ETV1: variants seen among roughly 807,000 people sequenced by gnomAD.
ETV1 encodes the protein ETS variant transcription factor 1.
Under a neutral mutation model 62.3 loss-of-function variants are expected in ETV1, and 27 were observed. The ratio of observed to expected loss-of-function variants is 0.43; its 90% confidence interval spans 0.32 to 0.60. The LOEUF is 0.60. ETV1 is among the 20% of genes least tolerant of loss of function. The probability of loss-of-function intolerance (pLI) is 0.06; values close to 1 mark genes in which losing one functional copy is unlikely to be tolerated. For missense variants in ETV1, 605 were observed against 605.8 expected (o/e 1.00, Z 0.01); for synonymous variants, 222 against 199.6 (o/e 1.11, Z -0.94).
chr7:13,925,712 C>A (rs1251507364), intron 9 of ETV1, among the ~76,000 whole-genome samples: 3 of 150,766 alleles, frequency 2.0e-5, no homozygotes, highest in African/African-American at 4.9e-5. Context: ...ACTACAGGGA[C>A]CCGCCACTGC....
Position 13,911,303 on chromosome 7 carries a change from C to A in ETV1, c.807G>T (p.Val269=). The A allele has an allele frequency of 1.2e-6, 2 of 1,611,080 alleles. No individual in the cohort carries two copies. The highest frequency in any genetic ancestry group is 1.7e-6 in the Non-Finnish European group (2 of 1,177,806). Residue 269 remains valine, a synonymous_variant, in exon 10 of 14, where the codon GTG becomes GTT. Coordinates refer to ENST00000430479, the MANE Select transcript of ETV1 (RefSeq NM_004956.5). ...EPRDFAYDSE[V]PSCHSIYMRQ... is the part of the protein sequence containing the mutation. ...TCATATAAATGGAGTGGCAGCTAGGCACTTCTGAAAGAGGAAACAATATTG... is the reference window on the plus strand; with the variant it reads ...TCATATAAATGGAGTGGCAGCTAGGAACTTCTGAAAGAGGAAACAATATTG...
chr7:13,936,014 TTTG>T (rs1266912158), intron 7 of ETV1, 118 bp from the exon 8 acceptor site: 1 of 772,552 alleles, frequency 1.3e-6, no homozygotes, highest in Non-Finnish European at 2.0e-6. Flanking sequence ...AAATGAAAAC[TTTG>T]TTGTTGCTAT....
chr7:13,938,131 G>A (rs536650970), intron 7 of ETV1, among the ~76,000 whole-genome samples: 2 of 152,244 alleles, frequency 1.3e-5, no homozygotes, highest in African/African-American at 4.8e-5. Flanking sequence ...TTTCAGTAGA[G>A]ACGAGGTTTC....
Position 13,892,246 on chromosome 7 carries a change from T to C in ETV1, c.*3620A>G, listed in dbSNP as rs2128394925. The C allele has an allele frequency of 4.3e-6, 1 of 232,646 alleles. No individual in the cohort carries two copies. Among genetic ancestry groups the C allele is most frequent in the East Asian group, 6.1e-5 (1 of 16,388 alleles). The allele number at this position is 232,646 out of a possible 1,614,324, so 14.4% of individuals were successfully genotyped here. On this transcript the variant is annotated 3_prime_UTR_variant, in exon 14 of 14. Coordinates refer to ENST00000430479, the MANE Select transcript of ETV1 (RefSeq NM_004956.5). ...CTGATTTAACTGTTATTACTATTATTATCATACCTTCTGTTTTTCTGTTTC... is the reference window on the plus strand; with the variant it reads ...CTGATTTAACTGTTATTACTATTATCATCATACCTTCTGTTTTTCTGTTTC...
chr7:13,989,773 C>T, upstream of ETV1: 1 of 395,888 alleles, frequency 2.5e-6, no homozygotes, highest in Non-Finnish European at 4.4e-6. Flanking sequence ...TTCACAAGAT[C>T]AGATTTCGGG....
intron 6 of ETV1, among the ~76,000 whole-genome samples, chr7:13,967,025 AAATT>A (rs771508723): frequency 2.0e-5 from 3 of 152,206 alleles, no homozygotes; most frequent in Non-Finnish European, 4.4e-5. Context: ...CCCAATAAAT[AAATT>A]AATTAAACTA....
intron 5 of ETV1, among the ~76,000 whole-genome samples, chr7:13,984,832 A>G (rs185947561): frequency 2.6e-5 from 4 of 152,094 alleles, no homozygotes; most frequent in African/African-American, 9.6e-5. Flanking sequence ...AATCCCGGAG[A>G]AAGACTATTC....
intron 12 of ETV1, among the ~76,000 whole-genome samples, chr7:13,904,912 G>C (rs1355824649): frequency 6.7e-6 from 1 of 149,592 alleles, no homozygotes; most frequent in Non-Finnish European, 1.5e-5. Context: ...TGACAGCTAA[G>C]TTAATTTTAA....
At position 13,918,798 on chromosome 7, in the gene ETV1, G is replaced by A. The variant is rs372996833; in HGVS notation, c.803-7491C>T. ...TAGATGACGAGTTAGTGGGTGCAGC[G>A]CACCAGCATGGCACATGTATACATA... is the stretch of plus-strand genomic sequence containing the variant. On this transcript the variant is annotated intron_variant, in intron 9 of 13. Transcript: ENST00000430479. Among the ~76,000 whole-genome samples, 200 of 149,066 alleles carry A rather than the reference G, an allele frequency of 1.3e-3. 1 individual carries two copies. Among genetic ancestry groups the A allele is most frequent in the African/African-American group, 4.5e-3 (181 of 40,310 alleles).
chr7:13,909,809 A>G, intron 10 of ETV1, 109 bp from the exon 11 acceptor site: 1 of 902,770 alleles, frequency 1.1e-6, no homozygotes, highest in Non-Finnish European at 1.8e-6. Context: ...CTCTGCCACC[A>G]CCTTTCAGTT....
intron 9 of ETV1, among the ~76,000 whole-genome samples, chr7:13,929,223 CAGTGGACGAT>C (rs1785798271): frequency 6.6e-6 from 1 of 151,996 alleles, no homozygotes; most frequent in African/African-American, 2.4e-5. Flanking sequence ...TTAGAGACAC[CAGTGGACGAT>C]ACAAAAGGTT....
At position 13,947,733 on chromosome 7, in the gene ETV1, A is replaced by C. The variant is rs370795389; in HGVS notation, c.236-8487T>G. Among the ~76,000 whole-genome samples, 7 of 152,162 alleles carry C rather than the reference A, an allele frequency of 4.6e-5. No individual in the cohort carries two copies. In the East Asian group the frequency reaches 1.2e-3, roughly 25 times the overall value. ...CATTATATGAGATTTTTATTCATTC[A>C]TTTCTTCAGCAATTAATTCATTAAT... On this transcript the variant is annotated intron_variant, in intron 6 of 13. Transcript: ENST00000430479.
At chr7:13,902,751 G>C (rs567514393) in intron 12 of ETV1, among the ~76,000 whole-genome samples, 1 of 152,224 alleles carries the variant, frequency 6.6e-6, no homozygotes, top group Non-Finnish European at 1.5e-5. Context: ...GATGCACCTA[G>C]AAAATAAAAT....
intron 9 of ETV1, among the ~76,000 whole-genome samples, chr7:13,925,811 C>G (rs1469173111): frequency 6.6e-6 from 1 of 152,086 alleles, no homozygotes; most frequent in African/African-American, 2.4e-5. Context: ...CCACCTCGCC[C>G]TCCCAAAGTG....
intron 8 of ETV1, among the ~76,000 whole-genome samples, chr7:13,933,226 C>A (rs1786395073): frequency 6.6e-6 from 1 of 152,136 alleles, no homozygotes; most frequent in African/African-American, 2.4e-5. Flanking sequence ...GGAATCAAGC[C>A]ATTTGTTTTT....
rs1395627758 is a variant in ETV1 at position 13,900,753 on chromosome 7, T to C, written c.1197A>G (p.Lys399=). Residue 399 remains lysine, a synonymous_variant, in exon 13 of 14, where the codon AAA becomes AAG. Coordinates refer to ENST00000430479, the MANE Select transcript of ETV1 (RefSeq NM_004956.5). ...LSRSLRYYYE[K]GIMQKVAGER... ...AGCTGCTCACCTTTTGCATAATTCCTTTCTCATAGTAATAGCGGAGTGAAC... is the reference window on the plus strand; with the variant it reads ...AGCTGCTCACCTTTTGCATAATTCCCTTCTCATAGTAATAGCGGAGTGAAC... 3 of 1,607,494 alleles carry C rather than the reference T, an allele frequency of 1.9e-6. 1 individual carries two copies. Among genetic ancestry groups the C allele is most frequent in the South Asian group, 2.2e-5 (2 of 89,580 alleles).
intron 10 of ETV1, chr7:13,910,444 C>G (rs1017457231): frequency 3.6e-6 from 1 of 280,516 alleles, no homozygotes; most frequent in South Asian, 1.4e-4. Flanking sequence ...ACAACAGAAG[C>G]AACAATAATT....
At position 13,920,782 on chromosome 7, in the gene ETV1, T is replaced by C. The variant is rs77657923; in HGVS notation, c.803-9475A>G. Among the ~76,000 whole-genome samples the C allele has an allele frequency of 5.7e-3, 875 of 152,274 alleles. 60 individuals are homozygous for C. The East Asian group carries it at 0.14, about 24-fold the overall frequency. ...TAAGTATTTCTTAGAAAAACTGATA[T>C]AGTGGGCCAGAGTACTGATTTGGGA... On this transcript the variant is annotated intron_variant, in intron 9 of 13. Transcript: ENST00000430479.
At chr7:13,965,981 G>A (rs902695017) in intron 6 of ETV1, among the ~76,000 whole-genome samples, 10 of 151,898 alleles carry the variant, frequency 6.6e-5, no homozygotes, top group Non-Finnish European at 1.5e-4. Flanking sequence ...CACATAAACC[G>A]GGCATGAACC....
Sources: allele counts gnomAD v4.1 joint callset (sites outside exome capture counted in the v4.1 genomes callset), GRCh38; gene constraint gnomAD v4.1.1; transcripts MANE v1.5; gene names NCBI Gene and HGNC (gene_info 2026-07-23, HGNC 2026-07-21).